The following CORIN variants were observed in gnomAD, a reference collection of about 807,000 sequenced individuals.
CORIN encodes atrial natriuretic peptide-converting enzyme.
A neutral mutation model predicts 125.3 loss-of-function variants in CORIN; 117 were observed. The observed-to-expected ratio is 0.93, with a 90% confidence interval of 0.80 to 1.09. The LOEUF (loss-of-function observed/expected upper bound fraction) is 1.09, where lower values mean the gene tolerates loss of function less well. CORIN is among the 50% of genes least tolerant of loss of function. CORIN has a pLI of 0.00. For synonymous variants in CORIN, 450 were observed against 466.4 expected, an observed-to-expected ratio of 0.96 and a Z score of 0.45; for missense variants, 1,253 against 1,306.7, an observed-to-expected ratio of 0.96 and a Z score of 0.63.
At chr4:47,674,587 G>T in intron 9 of CORIN, 87 bp from the exon 10 acceptor site, 2 of 826,442 alleles carry the variant, frequency 2.4e-6, no homozygotes, top group Non-Finnish European at 4.2e-6. Context: ...GTCTGATGGA[G>T]CTGAGGAATA....
At chr4:47,690,296 T>C (rs1725710001) in intron 6 of CORIN, among the ~76,000 whole-genome samples, 1 of 152,068 alleles carries the variant, frequency 6.6e-6, no homozygotes, top group South Asian at 2.1e-4. Context: ...TAAGACTGGG[T>C]TCAAATTTAG....
chr4:47,734,386 C>T (rs1293510711), intron 5 of CORIN, among the ~76,000 whole-genome samples: 1 of 152,190 alleles, frequency 6.6e-6, no homozygotes, highest in Non-Finnish European at 1.5e-5. Context: ...CGCAAGTCCA[C>T]AGTGCCGAAT....
intron 6 of CORIN, among the ~76,000 whole-genome samples, chr4:47,689,551 G>GTGGT (rs1725673998): frequency 6.6e-6 from 1 of 152,160 alleles, no homozygotes; most frequent in Admixed American, 6.5e-5. Flanking sequence ...ATATTTGATA[G>GTGGT]TGGTTTTTAT....
At chr4:47,730,221 T>C (rs568588266) in intron 5 of CORIN, among the ~76,000 whole-genome samples, 2 of 152,030 alleles carry the variant, frequency 1.3e-5, no homozygotes, top group Non-Finnish European at 2.9e-5. Flanking sequence ...ACGCCTGTAA[T>C]CCCAGCACTT....
chr4:47,676,150 C>T (rs758617161), intron 9 of CORIN, among the ~76,000 whole-genome samples: 2 of 152,136 alleles, frequency 1.3e-5, no homozygotes, highest in Non-Finnish European at 2.9e-5. Flanking sequence ...AGAGAAGTGG[C>T]CCCTGCTTCC....
chr4:47,662,034 G>A (rs561529447), intron 11 of CORIN, among the ~76,000 whole-genome samples, 178 bp from the exon 12 acceptor site: 1 of 152,310 alleles, frequency 6.6e-6, no homozygotes, highest in African/African-American at 2.4e-5. Flanking sequence ...TAATATCTCT[G>A]CAAAGAGTAT....
intron 2 of CORIN, among the ~76,000 whole-genome samples, chr4:47,801,330 G>T (rs1174402635): frequency 1.3e-5 from 2 of 152,112 alleles, no homozygotes; most frequent in East Asian, 1.9e-4. Context: ...TATGTTAACA[G>T]GTAGTATCAA....
At chr4:47,814,145 A>T (rs2109963396) in intron 1 of CORIN, among the ~76,000 whole-genome samples, 1 of 152,304 alleles carries the variant, frequency 6.6e-6, no homozygotes, top group Middle Eastern at 3.4e-3. Flanking sequence ...ATACTCTTCC[A>T]TTTCAGCAAA....
At chr4:47,778,099 C>A (rs1730380418) in intron 3 of CORIN, among the ~76,000 whole-genome samples, 2 of 152,246 alleles carry the variant, frequency 1.3e-5, no homozygotes, top group Non-Finnish European at 1.5e-5. Flanking sequence ...TAACATGCTA[C>A]TGTTTTGCTT....
intron 5 of CORIN, among the ~76,000 whole-genome samples, chr4:47,724,567 C>A (rs111680241): frequency 8.5e-4 from 129 of 152,162 alleles, no homozygotes; most frequent in African/African-American, 3.0e-3. Context: ...ACTCAAGAAT[C>A]TCAACAGAAC....
At chr4:47,605,888 A>G (rs915811670) in intron 19 of CORIN, among the ~76,000 whole-genome samples, 1 of 152,154 alleles carries the variant, frequency 6.6e-6, no homozygotes, top group Non-Finnish European at 1.5e-5. Flanking sequence ...CAAGGGAGTT[A>G]GGAAGGAGGA....
At chr4:47,639,009 C>T (rs909502317) in intron 16 of CORIN, among the ~76,000 whole-genome samples, 2 of 152,162 alleles carry the variant, frequency 1.3e-5, no homozygotes, top group African/African-American at 2.4e-5. Context: ...TCAACTGCCT[C>T]TATCATGAAA....
chr4:47,640,480 T>A (rs1008725597), intron 16 of CORIN, among the ~76,000 whole-genome samples: 2 of 152,166 alleles, frequency 1.3e-5, no homozygotes, highest in Non-Finnish European at 2.9e-5. Flanking sequence ...CCTGGTCCAG[T>A]GGGTACGAGA....
At chr4:47,660,798 A>T (rs767579545) in intron 12 of CORIN, among the ~76,000 whole-genome samples, 10 of 152,162 alleles carry the variant, frequency 6.6e-5, no homozygotes, top group Non-Finnish European at 1.5e-4. Flanking sequence ...AGTAGACCTA[A>T]TACATGACCC....
chr4:47,710,406 T>C (rs1036989790), intron 5 of CORIN, among the ~76,000 whole-genome samples: 4 of 152,252 alleles, frequency 2.6e-5, no homozygotes, highest in African/African-American at 9.6e-5. Context: ...ATAAATGCTT[T>C]ATTGCAATGT....
intron 5 of CORIN, among the ~76,000 whole-genome samples, chr4:47,719,583 A>G (rs565048978): frequency 6.6e-6 from 1 of 152,352 alleles, no homozygotes; most frequent in South Asian, 2.1e-4. Context: ...ACAACAAGAC[A>G]TCATGTGTTT....
At chr4:47,697,704 G>A (rs959261741) in intron 5 of CORIN, among the ~76,000 whole-genome samples, 1 of 152,008 alleles carries the variant, frequency 6.6e-6, no homozygotes, top group African/African-American at 2.4e-5. Flanking sequence ...GCAACAGAGG[G>A]AGACTCTGTC....
chr4:47,630,846 G>T (rs991623843), intron 16 of CORIN, among the ~76,000 whole-genome samples: 4 of 152,170 alleles, frequency 2.6e-5, no homozygotes, highest in Non-Finnish European at 5.9e-5. Context: ...TTCTGATTCA[G>T]TTAAGTCTCA....
intron 4 of CORIN, among the ~76,000 whole-genome samples, chr4:47,748,226 T>C (rs1312307139): frequency 6.6e-6 from 1 of 152,198 alleles, no homozygotes; most frequent in East Asian, 1.9e-4. Context: ...CTAGGGAAGG[T>C]TGAAGCATTT....
Sources: allele counts gnomAD v4.1 joint callset (sites outside exome capture counted in the v4.1 genomes callset), GRCh38; gene constraint gnomAD v4.1.1; transcripts MANE v1.5; gene names NCBI Gene and HGNC (gene_info 2026-07-23, HGNC 2026-07-21).